The following ZNF536 variants were observed in gnomAD, a reference collection of about 807,000 sequenced individuals.
The protein encoded by ZNF536 is zinc finger protein 536.
In ZNF536, 13 loss-of-function variants were observed where a neutral mutation model predicts 84.5. The ratio of observed to expected loss-of-function variants is 0.15; its 90% CI spans 0.10 to 0.24. The LOEUF (loss-of-function observed/expected upper bound fraction) is 0.24. ZNF536 is among the 10% of genes least tolerant of loss of function. ZNF536 has a pLI of 1.00. For synonymous variants in ZNF536, 811 were observed against 742.5 expected (o/e 1.09, Z -1.50); for missense variants, 1,536 against 1,747.5 (o/e 0.88, Z 2.16).
At chr19:30,705,809 T>TTTCC (rs1216626107) in intron 1 of ZNF536, among the ~76,000 whole-genome samples, 7 of 152,240 alleles carry the variant, frequency 4.6e-5, no homozygotes, top group Admixed American at 4.6e-4. Context: ...TACATATAGA[T>TTTCC]TTCCATCTCA....
chr19:30,269,755 C>T (rs1054409674), intron 1 of ZNF536, among the ~76,000 whole-genome samples: 1 of 152,092 alleles, frequency 6.6e-6, no homozygotes, highest in Non-Finnish European at 1.5e-5. Context: ...CTAGGTTGGT[C>T]CCCCGCCTCG....
At chr19:30,340,904 T>C (rs975817641) in intron 2 of ZNF536, among the ~76,000 whole-genome samples, 3 of 152,162 alleles carry the variant, frequency 2.0e-5, no homozygotes, top group Non-Finnish European at 4.4e-5. Context: ...GTGTGTGTTT[T>C]ATGTCCCTTC....
At chr19:30,516,746 G>T (rs751749830) in intron 2 of ZNF536, among the ~76,000 whole-genome samples, 1 of 152,216 alleles carries the variant, frequency 6.6e-6, no homozygotes, top group Non-Finnish European at 1.5e-5. Context: ...TCATTGTATA[G>T]AAATGTTCAG....
At chr19:30,694,615 C>T (rs984567650) in intron 1 of ZNF536, among the ~76,000 whole-genome samples, 5 of 152,176 alleles carry the variant, frequency 3.3e-5, no homozygotes, top group African/African-American at 7.2e-5. Context: ...GCAAGAGAAA[C>T]TGGAAATCCA....
At chr19:30,545,385 CT>C (rs772761287) in intron 3 of ZNF536, among the ~76,000 whole-genome samples, 71 of 67,664 alleles carry the variant, frequency 1.0e-3, no homozygotes, top group African/African-American at 1.4e-3. Flanking sequence ...TCCCATATGT[CT>C]TTTTTTTTTT....
At chr19:30,425,821 G>A (rs1196472153) in intron 1 of ZNF536, among the ~76,000 whole-genome samples, 1 of 152,222 alleles carries the variant, frequency 6.6e-6, no homozygotes, top group African/African-American at 2.4e-5. Context: ...CAAGCTGCAG[G>A]ACTGAGTAGG....
chr19:30,294,293 A>C (rs1363335742), intron 2 of ZNF536, among the ~76,000 whole-genome samples: 2 of 152,144 alleles, frequency 1.3e-5, no homozygotes, highest in Non-Finnish European at 2.9e-5. Flanking sequence ...CCCTACCCCC[A>C]AGTCATTTTT....
chr19:30,413,917 C>T (rs1376705936), intron 1 of ZNF536, among the ~76,000 whole-genome samples: 1 of 151,620 alleles, frequency 6.6e-6, no homozygotes, highest in Non-Finnish European at 1.5e-5. Flanking sequence ...TGGTGAAACC[C>T]CCTGTCTCTA....
chr19:30,549,822 G>T (rs899445793), intron 4 of ZNF536, among the ~76,000 whole-genome samples: 2 of 151,948 alleles, frequency 1.3e-5, no homozygotes, highest in Admixed American at 6.6e-5. Flanking sequence ...CTTGAAGGGG[G>T]GAAAATCGAC....
intron 1 of ZNF536, among the ~76,000 whole-genome samples, chr19:30,628,467 C>T (rs191561497): frequency 0.018 from 2,681 of 145,986 alleles, 34 homozygotes; most frequent in Non-Finnish European, 0.026. Flanking sequence ...CTCGCTCTGT[C>T]GCCCAGGCTG....
chr19:30,612,469 G>A (rs1568602643), intron 1 of ZNF536, among the ~76,000 whole-genome samples: 1 of 152,170 alleles, frequency 6.6e-6, no homozygotes, highest in Non-Finnish European at 1.5e-5. Context: ...CTCTGGATAT[G>A]GAGATACCAT....
At chr19:30,644,875 A>G (rs2049406320) in intron 1 of ZNF536, among the ~76,000 whole-genome samples, 1 of 152,192 alleles carries the variant, frequency 6.6e-6, no homozygotes, top group Admixed American at 6.5e-5. Context: ...TCCTTTGGGT[A>G]TATACCCAGT....
intron 1 of ZNF536, among the ~76,000 whole-genome samples, chr19:30,442,880 C>T (rs1286929539): frequency 6.6e-6 from 1 of 152,182 alleles, no homozygotes; most frequent in Non-Finnish European, 1.5e-5. Context: ...TGTTTCTAAG[C>T]AGCATACTAA....
At chr19:30,433,494 T>C (rs2051573083) in intron 1 of ZNF536, among the ~76,000 whole-genome samples, 1 of 152,080 alleles carries the variant, frequency 6.6e-6, no homozygotes, top group South Asian at 2.1e-4. Flanking sequence ...CATTTGTTTG[T>C]TTGTTTGTTT....
intron 3 of ZNF536, among the ~76,000 whole-genome samples, chr19:30,540,189 C>T (rs548446430): frequency 6.6e-6 from 1 of 152,174 alleles, no homozygotes; most frequent in Admixed American, 6.5e-5. Context: ...CCCGGCACCC[C>T]CCAACTCCTG....
intron 1 of ZNF536, among the ~76,000 whole-genome samples, chr19:30,593,830 T>C (rs1568584234): frequency 6.6e-6 from 1 of 152,244 alleles, no homozygotes; most frequent in Non-Finnish European, 1.5e-5. Context: ...CCAGCCTGGC[T>C]GGTCTTCAGG....
intron 1 of ZNF536, among the ~76,000 whole-genome samples, chr19:30,701,626 G>A (rs565285806): frequency 2.6e-5 from 4 of 152,304 alleles, no homozygotes; most frequent in East Asian, 3.9e-4. Context: ...GAGCATCTTT[G>A]ACTCCTAACC....
At chr19:30,647,772 A>G (rs2049531474) in intron 1 of ZNF536, among the ~76,000 whole-genome samples, 1 of 152,014 alleles carries the variant, frequency 6.6e-6, no homozygotes, top group African/African-American at 2.4e-5. Flanking sequence ...AGCATCACCA[A>G]CTTTTAATCT....
At chr19:30,295,307 G>A (rs2045962599) in intron 2 of ZNF536, among the ~76,000 whole-genome samples, 2 of 151,716 alleles carry the variant, frequency 1.3e-5, no homozygotes, top group South Asian at 4.2e-4. Flanking sequence ...ATCAGGACTT[G>A]CCCTACAGGA....
Sources: allele counts gnomAD v4.1 joint callset (sites outside exome capture counted in the v4.1 genomes callset), GRCh38; gene constraint gnomAD v4.1.1; transcripts MANE v1.5; gene names NCBI Gene and HGNC (gene_info 2026-07-23, HGNC 2026-07-21).